Variants in RASGEF1B observed in about 807,000 individuals in gnomAD.
RASGEF1B encodes the protein ras-GEF domain-containing family member 1B.
RASGEF1B carries 30 observed loss-of-function variants against 65.7 expected under a neutral mutation model. The ratio of observed to expected loss-of-function variants is 0.46; its 90% CI spans 0.34 to 0.62. RASGEF1B has a LOEUF of 0.62. RASGEF1B is among the 20% of genes least tolerant of loss of function. The pLI, the probability that RASGEF1B is intolerant of heterozygous loss-of-function variation, is 0.01. For synonymous variants in RASGEF1B, 175 were observed against 194.8 expected (o/e 0.90, Z 0.85); for missense variants, 495 against 580.1 (o/e 0.85, Z 1.51).
intron 4 of RASGEF1B, among the ~76,000 whole-genome samples, chr4:81,449,895 T>A (rs1722189073): frequency 6.6e-6 from 1 of 152,208 alleles, no homozygotes; most frequent in Non-Finnish European, 1.5e-5. Flanking sequence ...AGCCTTCTTT[T>A]CCTTTTCTTC....
Position 81,448,297 on chromosome 4 carries a change from C to T in RASGEF1B, c.439-13G>A, listed in dbSNP as rs371745610. On this transcript the variant is annotated splice_polypyrimidine_tract_variant and intron_variant, in intron 4 of 13. Coordinates refer to ENST00000264400, the MANE Select transcript of RASGEF1B (RefSeq NM_152545.3). ...TTCTGTATGTCTGCTAGGGAATAAGCGAAGAATTACATCCGTACTCTGCGT... is the reference window on the plus strand; with the variant it reads ...TTCTGTATGTCTGCTAGGGAATAAGTGAAGAATTACATCCGTACTCTGCGT... 54 of 1,604,172 alleles carry T rather than the reference C, an allele frequency of 3.4e-5. No homozygotes were observed. Among genetic ancestry groups the T allele is most frequent in the South Asian group, 2.9e-4 (26 of 90,830 alleles).
At chr4:81,449,765 A>G (rs983930520) in intron 4 of RASGEF1B, among the ~76,000 whole-genome samples, 3 of 152,220 alleles carry the variant, frequency 2.0e-5, no homozygotes, top group African/African-American at 7.2e-5. Context: ...TATAGAGGCA[A>G]TTTTGTTTAT....
intron 12 of RASGEF1B, 125 bp downstream of exon 12, chr4:81,433,715 C>T (rs554223947): frequency 2.1e-6 from 2 of 934,740 alleles, no homozygotes; most frequent in Non-Finnish European, 3.1e-6. Flanking sequence ...AAACAGAAAA[C>T]TCTTAACATG....
chr4:81,457,705 G>A (rs1185596423), intron 2 of RASGEF1B, 84 bp from the exon 3 acceptor site: 2 of 1,477,626 alleles, frequency 1.4e-6, no homozygotes, highest in East Asian at 2.3e-5. Context: ...ATTTCATTAA[G>A]TTCTCCTGAT....
intron 1 of RASGEF1B, among the ~76,000 whole-genome samples, chr4:81,466,770 AAAAGAAAGAAAGAAAGAAAGAAAG>A (rs1553947087): frequency 2.8e-5 from 1 of 36,100 alleles, no homozygotes; most frequent in East Asian, 7.2e-4. Flanking sequence ...AAAAAAAAAA[AAAAGAAAGAAAGAAAGAAAGAAAG>A]AAAGAAAGAA....
Position 81,440,848 on chromosome 4 carries a change from T to C in RASGEF1B, c.1090A>G (p.Ser364Gly). 2 of 1,608,310 alleles carry C rather than the reference T, an allele frequency of 1.2e-6. No individual in the cohort carries two copies. Among genetic ancestry groups the C allele is most frequent in the Non-Finnish European group, 1.7e-6 (2 of 1,175,148 alleles). ...TAAGTGCATACCTTTTCTCTACTAC[T>C]ATGAGCAGTTAAAGACCTTTGTGCT... is the stretch of plus-strand genomic sequence containing the variant. ...GAAQRSLTAH[S>G]SREKIVIPFF... is the part of the protein sequence containing the mutation. The change falls in exon 10 of 14, where the codon AGT (serine) becomes GGT (glycine). Residue 364 changes from serine (S) to glycine (G), a missense_variant. By Grantham distance (56) the Ser-to-Gly change is moderately conservative (BLOSUM62 0). Transcript: ENST00000264400.
chr4:81,466,758 C>G (rs1468682870), intron 1 of RASGEF1B, among the ~76,000 whole-genome samples: 142 of 57,614 alleles, frequency 2.5e-3, no homozygotes, highest in African/African-American at 0.011. Flanking sequence ...GCCTCCATGT[C>G]AAAAAAAAAA....
intron 12 of RASGEF1B, among the ~76,000 whole-genome samples, chr4:81,432,664 A>G (rs946994434): frequency 6.6e-6 from 1 of 152,052 alleles, no homozygotes; most frequent in African/African-American, 2.4e-5. Context: ...GCTGTCGTAT[A>G]CTCAGACTTA....
In RASGEF1B at chr4:81,445,648, AG is replaced by A; in HGVS notation, c.826-21del. 1 of 1,597,380 alleles carries A rather than the reference AG, an allele frequency of 6.3e-7. No individual in the cohort carries two copies. The highest frequency in any genetic ancestry group is 8.6e-7 in the Non-Finnish European group (1 of 1,164,816). On this transcript the variant is annotated intron_variant, in intron 7 of 13. Coordinates refer to ENST00000264400, the MANE Select transcript of RASGEF1B (RefSeq NM_152545.3). ...AACAGGCTACACAGTAAAAGACAAT[AG>A]AGGGCAGTTATCCAGTATGAAGGCC...
At chr4:81,430,354 C>A (rs1721386698) in intron 13 of RASGEF1B, among the ~76,000 whole-genome samples, 1 of 152,210 alleles carries the variant, frequency 6.6e-6, no homozygotes, top group Admixed American at 6.5e-5. Context: ...CTATGTGCGA[C>A]CCGATTCTTC....
intron 10 of RASGEF1B, among the ~76,000 whole-genome samples, chr4:81,435,426 A>AG (rs1316509161): frequency 6.7e-6 from 1 of 148,624 alleles, no homozygotes; most frequent in East Asian, 2.0e-4. Flanking sequence ...TCAAAAAAAA[A>AG]AAAAAAAAAA....
intron 10 of RASGEF1B, among the ~76,000 whole-genome samples, chr4:81,436,590 ATAT>A (rs1178780859): frequency 4.6e-5 from 7 of 152,276 alleles, no homozygotes; most frequent in African/African-American, 1.7e-4. Flanking sequence ...AAATGTCAAC[ATAT>A]TTTTAAAGAT....
intron 1 of RASGEF1B, among the ~76,000 whole-genome samples, chr4:81,469,571 A>G (rs1722954450): frequency 6.6e-6 from 1 of 152,224 alleles, no homozygotes; most frequent in Admixed American, 6.5e-5. Flanking sequence ...AAAATGTTAT[A>G]TAAGAACTAT....
intron 4 of RASGEF1B, among the ~76,000 whole-genome samples, chr4:81,449,800 C>T (rs192888226): frequency 3.3e-5 from 5 of 152,218 alleles, no homozygotes; most frequent in South Asian, 2.1e-4. Flanking sequence ...AAAACCCAAA[C>T]GAAGAGATAT....
chr4:81,460,355 G>C (rs1401618753), intron 1 of RASGEF1B, among the ~76,000 whole-genome samples: 1 of 152,110 alleles, frequency 6.6e-6, no homozygotes, highest in East Asian at 1.9e-4. Flanking sequence ...ACGGCACCCG[G>C]CCCTGAGAAC....
intron 8 of RASGEF1B, 100 bp downstream of exon 8, chr4:81,445,424 TAC>T (rs1721981637): frequency 5.0e-6 from 4 of 806,586 alleles, no homozygotes; most frequent in Non-Finnish European, 8.2e-6. Flanking sequence ...GATTAAAAAA[TAC>T]AGTCTGTACT....
chr4:81,445,764 C>A lies in RASGEF1B; in HGVS notation c.804G>T (p.Leu268Phe), dbSNP rs1353668192. Residue 268 changes from leucine (L) to phenylalanine (F), a missense_variant, in exon 7 of 14, where the codon TTG (leucine) becomes TTT (phenylalanine). Coordinates refer to ENST00000264400, the MANE Select transcript of RASGEF1B (RefSeq NM_152545.3). ...YVEWFNRLSY[L>F]VATEICMPVK... Reference sequence around the variant, plus strand: ...TCACCATACAGATTTCTGTAGCAACCAAGTAGCTGAGGCGATTAAACCATT... The same window carrying A: ...TCACCATACAGATTTCTGTAGCAACAAAGTAGCTGAGGCGATTAAACCATT... 1.2e-6 allele frequency: 2 copies of A among 1,613,816 alleles called. No homozygotes were observed. The highest frequency in any genetic ancestry group is 1.7e-6 in the Non-Finnish European group (2 of 1,179,770).
At chr4:81,436,026 C>T (rs1721621079) in intron 10 of RASGEF1B, among the ~76,000 whole-genome samples, 1 of 152,014 alleles carries the variant, frequency 6.6e-6, no homozygotes, top group Non-Finnish European at 1.5e-5. Context: ...AAGCAATCCT[C>T]TTATCTCAGC....
intron 10 of RASGEF1B, among the ~76,000 whole-genome samples, chr4:81,435,514 G>GCCGGA (rs1721592751): frequency 7.9e-6 from 1 of 126,464 alleles, no homozygotes; most frequent in Admixed American, 8.2e-5. Context: ...TGTCACCCAG[G>GCCGGA]CTGGAGTGCA....
Sources: allele counts gnomAD v4.1 joint callset (sites outside exome capture counted in the v4.1 genomes callset), GRCh38; gene constraint gnomAD v4.1.1; transcripts MANE v1.5; gene names NCBI Gene and HGNC (gene_info 2026-07-23, HGNC 2026-07-21).